LRRC14B: variants seen among roughly 807,000 people sequenced by gnomAD.
LRRC14B encodes the protein leucine rich repeat containing 14B.
Under a neutral mutation model 16.9 loss-of-function variants are expected in LRRC14B, and 23 were observed. That is an observed-to-expected ratio of 1.36 (90% CI 0.98 to 1.92). The LOEUF (loss-of-function observed/expected upper bound fraction) is 1.92, where lower values mean the gene tolerates loss of function less well. Ranked by LOEUF, LRRC14B falls within the 30% of genes most tolerant of loss-of-function variation. The pLI is 0.00. For missense variants in LRRC14B, 766 were observed against 705.7 expected, an observed-to-expected ratio of 1.09 and a Z score of -0.97; for synonymous variants, 358 against 332.5, an observed-to-expected ratio of 1.08 and a Z score of -0.83.
In LRRC14B at chr5:191,972, T is replaced by TGCAG; in HGVS notation, c.439_442dup (p.Glu148GlyfsTer20). On this transcript the variant is annotated frameshift_variant, in exon 1 of 2. Coordinates refer to ENST00000328278, the MANE Select transcript of LRRC14B (RefSeq NM_001080478.3). LOFTEE classifies it high-confidence loss of function. ...CTGCTGGCCAGGACCTGCTGTGAGC[T>TGCAG]GCAGGCAGAGCCCCTCGCAGCCGGG... is the stretch of plus-strand genomic sequence containing the variant. The TGCAG allele has an allele frequency of 6.5e-7, 1 of 1,530,614 alleles. No individual in the cohort carries two copies. 94.8% of individuals were successfully genotyped at this position (1,530,614 alleles called of 1,614,324 possible).
chr5:191,635 C>T lies in LRRC14B; in HGVS notation c.97C>T (p.Leu33Phe), dbSNP rs1414727147. 1.2e-6 allele frequency: 2 copies of T among 1,610,130 alleles called. No homozygotes were observed. The highest frequency in any genetic ancestry group is 1.7e-6 in the Non-Finnish European group (2 of 1,178,722). ...GAGCCTGGACAGCGTGGCCCACAAC[C>T]TCTACCCACTCCTGTTCAAAGCCAG... ...RQSLDSVAHN[L>F]YPLLFKASYL... The change falls in exon 1 of 2, where the codon CTC (leucine) becomes TTC (phenylalanine). Residue 33 changes from leucine (L) to phenylalanine (F), a missense_variant. Physicochemically the swap from Leu to Phe is conservative, Grantham distance 22. Transcript: ENST00000328278.
chr5:195,152 G>A lies in LRRC14B; in HGVS notation c.1344G>A (p.Gln448=). The change falls in exon 2 of 2, where the codon CAG becomes CAA. Residue 448 remains glutamine, a synonymous_variant. Transcript: ENST00000328278. ...QDELAMSKFN[Q]QKYDEIAEEL... is the part of the protein sequence containing the mutation. Reference sequence around the variant, plus strand: ...AGCTGGCCATGTCCAAGTTCAACCAGCAGAAATACGACGAGATCGCCGAGG... The same window carrying A: ...AGCTGGCCATGTCCAAGTTCAACCAACAGAAATACGACGAGATCGCCGAGG... 6.2e-7 allele frequency: 1 copy of A among 1,613,972 alleles called. No individual in the cohort carries two copies. Among genetic ancestry groups the A allele is most frequent in the Non-Finnish European group, 8.5e-7 (1 of 1,179,904 alleles).
At position 191,926 on chromosome 5, in the gene LRRC14B, G is replaced by A. The variant is rs1427027358; in HGVS notation, c.388G>A (p.Gly130Ser). The change falls in exon 1 of 2, where the codon GGC (glycine) becomes AGC (serine). Residue 130 changes from glycine to serine, a missense_variant. Physicochemically the swap from Gly to Ser is moderately conservative, Grantham distance 56 (BLOSUM62 0). Coordinates refer to ENST00000328278, the MANE Select transcript of LRRC14B (RefSeq NM_001080478.3). ...VQRCPCGRALGRWGRTQLLAR... is the reference protein window; with the variant it reads ...VQRCPCGRALSRWGRTQLLAR... ...GCGGTGCCCGTGCGGGAGGGCGCTGGGCAGGTGGGGCCGCACCCAGCTGCT... is the reference window on the plus strand; with the variant it reads ...GCGGTGCCCGTGCGGGAGGGCGCTGAGCAGGTGGGGCCGCACCCAGCTGCT... The A allele has an allele frequency of 6.6e-7, 1 of 1,512,586 alleles. No individual in the cohort carries two copies. Among genetic ancestry groups the A allele is most frequent in the South Asian group, 1.2e-5 (1 of 81,542 alleles). 93.7% of individuals were successfully genotyped at this position (1,512,586 alleles called of 1,614,324 possible). A position where few individuals can be genotyped will look rare whatever the true frequency, so the allele number is the denominator to read the frequency against.
chr5:194,934 C>G lies in LRRC14B; in HGVS notation c.1126C>G (p.His376Asp). Residue 376 changes from histidine to aspartate, a missense_variant, in exon 2 of 2, where the codon CAC becomes GAC. Transcript: ENST00000328278. ...TLEECGIVDS[H>D]VGMLILGLSP... is the part of the protein sequence containing the mutation. ...GGAGGAGTGTGGCATCGTAGACAGCCACGTTGGCATGCTGATCCTGGGCCT... is the reference window on the plus strand; with the variant it reads ...GGAGGAGTGTGGCATCGTAGACAGCGACGTTGGCATGCTGATCCTGGGCCT... The G allele has an allele frequency of 6.2e-7, 1 of 1,612,776 alleles. No homozygotes were observed. Among genetic ancestry groups the G allele is most frequent in the South Asian group, 1.1e-5 (1 of 90,924 alleles).
Position 192,244 on chromosome 5 carries a change from G to T in LRRC14B, c.706G>T (p.Val236Leu). 6.3e-7 allele frequency: 1 copy of T among 1,594,390 alleles called. No individual in the cohort carries two copies. Among genetic ancestry groups the T allele is most frequent in the Admixed American group, 1.7e-5 (1 of 58,260 alleles). Reference sequence around the variant, plus strand: ...CCACGTGCAGCAGCTTCTGGCCCAGGTGGGCTTCCCCCGGCTGGCCTCGCT... The same window carrying T: ...CCACGTGCAGCAGCTTCTGGCCCAGTTGGGCTTCCCCCGGCTGGCCTCGCT... ...AGHVQQLLAQ[V>L]GFPRLASLTL... is the part of the protein sequence containing the mutation. Residue 236 changes from valine to leucine, a missense_variant, in exon 1 of 2, where the codon GTG becomes TTG. Coordinates refer to ENST00000328278, the MANE Select transcript of LRRC14B (RefSeq NM_001080478.3).
Position 191,714 on chromosome 5 carries a change from TGGA to T in LRRC14B, c.181_183del (p.Glu61del). 6.3e-7 allele frequency: 1 copy of T among 1,584,454 alleles called. No individual in the cohort carries two copies. Among genetic ancestry groups the T allele is most frequent in the East Asian group, 2.3e-5 (1 of 43,308 alleles). Reference sequence around the variant, plus strand: ...CGCGCGGTGCTGGGGCGCTGGCCCCTGGAGGAGTTCCGGCTGGGAGCGCTGCTG... The same window carrying T: ...CGCGCGGTGCTGGGGCGCTGGCCCCTGGAGTTCCGGCTGGGAGCGCTGCTG... On this transcript the variant is annotated inframe_deletion, in exon 1 of 2. Transcript: ENST00000328278.
chr5:192,241 C>T lies in LRRC14B; in HGVS notation c.703C>T (p.Gln235Ter), dbSNP rs187476298. The change falls in exon 1 of 2, where the codon CAG becomes TAG. Residue 235 changes from glutamine (Q) to a stop codon, truncating the protein, a stop_gained. Transcript: ENST00000328278. LOFTEE classifies it high-confidence loss of function. ...HAGHVQQLLAQVGFPRLASLT... is the reference protein window; with the variant it reads ...HAGHVQQLLA ...GGGCCACGTGCAGCAGCTTCTGGCC[C>T]AGGTGGGCTTCCCCCGGCTGGCCTC... The T allele has an allele frequency of 1.3e-6, 2 of 1,594,450 alleles. No individual in the cohort carries two copies. The highest frequency in any genetic ancestry group is 2.7e-5 in the African/African-American group (2 of 74,506).
Position 192,878 on chromosome 5 carries a change from G to T in LRRC14B, c.899+441G>T, listed in dbSNP as rs148943690. On this transcript the variant is annotated intron_variant, in intron 1 of 1. Coordinates refer to ENST00000328278, the MANE Select transcript of LRRC14B (RefSeq NM_001080478.3). ...GCCAAGGGTGCCATCTCATCCGAAG[G>T]CCTGACAGGGCGGGATCCTCCCAGT... Among the ~76,000 whole-genome samples the T allele has an allele frequency of 2.4e-3, 359 of 152,284 alleles. 3 individuals are homozygous for T. The highest frequency in any genetic ancestry group is 8.3e-3 in the African/African-American group (346 of 41,534).
chr5:194,884 C>T lies in LRRC14B; in HGVS notation c.1076C>T (p.Ser359Phe). 2 of 1,597,508 alleles carry T rather than the reference C, an allele frequency of 1.3e-6. No homozygotes were observed. Among genetic ancestry groups the T allele is most frequent in the South Asian group, 2.2e-5 (2 of 89,202 alleles). ...TTCTTCAGGCTGCTCAGCCAGGCTT[C>T]CCGGACGCTGAGGATCCTGACACTG... ...STFFRLLSQA[S>F]RTLRILTLEE... Residue 359 changes from serine (S) to phenylalanine (F), a missense_variant, in exon 2 of 2, where the codon TCC (serine) becomes TTC (phenylalanine). Ser to Phe is a radical substitution (Grantham distance 155). Transcript: ENST00000328278.
At chr5:194,165 G>GC (rs1206173406) in intron 1 of LRRC14B, among the ~76,000 whole-genome samples, 2 of 148,436 alleles carry the variant, frequency 1.3e-5, no homozygotes, top group African/African-American at 2.5e-5. Flanking sequence ...TGGTCTCACT[G>GC]CCCCCCGCCG....
chr5:194,629 G>A (rs1254454054), intron 1 of LRRC14B, 79 bp from the exon 2 acceptor site: 1 of 1,382,700 alleles, frequency 7.2e-7, no homozygotes, highest in Admixed American at 2.5e-5. Context: ...GGACAAATGG[G>A]TTGTTCCCAT....
rs1187443095 is a variant in LRRC14B at position 195,196 on chromosome 5, T to TGCGGCC, written c.1392_1393insCCGCGG (p.Arg464_Ala465insProArg). 33 of 1,613,750 alleles carry TGCGGCC rather than the reference T, an allele frequency of 2.0e-5. No individual in the cohort carries two copies. Among genetic ancestry groups the TGCGGCC allele is most frequent in the African/African-American group, 4.0e-5 (3 of 74,930 alleles). ...GCCGAGGAGCTGCGTGCCGTGCTGCTGCGGGCTGACCGAGAGGACATCCAA... is the reference window on the plus strand; with the variant it reads ...GCCGAGGAGCTGCGTGCCGTGCTGCTGCGGCCGCGGGCTGACCGAGAGGACATCCAA... On this transcript the variant is annotated inframe_insertion, in exon 2 of 2. Transcript: ENST00000328278.
chr5:191,902 C>T lies in LRRC14B; in HGVS notation c.364C>T (p.Arg122Trp), dbSNP rs920914804. Residue 122 changes from arginine (R) to tryptophan (W), a missense_variant, in exon 1 of 2, where the codon CGG (arginine) becomes TGG (tryptophan). By Grantham distance (101) the Arg-to-Trp change is moderately radical (BLOSUM62 -3). Coordinates refer to ENST00000328278, the MANE Select transcript of LRRC14B (RefSeq NM_001080478.3). Reference sequence around the variant, plus strand: ...GGGCATCCGAGATGTGCAGGTGCAGCGGTGCCCGTGCGGGAGGGCGCTGGG... The same window carrying T: ...GGGCATCCGAGATGTGCAGGTGCAGTGGTGCCCGTGCGGGAGGGCGCTGGG... ...LTGIRDVQVQ[R>W]CPCGRALGRW... The T allele has an allele frequency of 1.9e-5, 29 of 1,510,028 alleles. No individual in the cohort carries two copies. The highest frequency in any genetic ancestry group is 2.5e-5 in the East Asian group (1 of 40,010). The allele number at this position is 1,510,028 out of a possible 1,614,324, so 93.5% of individuals were successfully genotyped here.
In LRRC14B at chr5:192,257, G is replaced by A. The variant is rs751807446; in HGVS notation, c.719G>A (p.Arg240Gln). The A allele has an allele frequency of 6.3e-6, 10 of 1,594,390 alleles. No homozygotes were observed. Among genetic ancestry groups the A allele is most frequent in the African/African-American group, 4.0e-5 (3 of 74,402 alleles). Reference sequence around the variant, plus strand: ...CTTCTGGCCCAGGTGGGCTTCCCCCGGCTGGCCTCGCTCACCCTGCCCACC... The same window carrying A: ...CTTCTGGCCCAGGTGGGCTTCCCCCAGCTGGCCTCGCTCACCCTGCCCACC... ...QQLLAQVGFP[R>Q]LASLTLPTKA... The change falls in exon 1 of 2, where the codon CGG (arginine) becomes CAG (glutamine). Residue 240 changes from arginine to glutamine, a missense_variant. Transcript: ENST00000328278.
rs375323273 is a variant in LRRC14B, at chr5:192,330, G to C, written c.792G>C (p.Glu264Asp). ...CCTACGCCTCCACTCCCGACGGCGA[G>C]GACCCCCTCCTCGCCTCCATCGCCC... ...PPTYASTPDGEDPLLASIARE... is the reference protein window; with the variant it reads ...PPTYASTPDGDDPLLASIARE... The change falls in exon 1 of 2, where the codon GAG (glutamate) becomes GAC (aspartate). Residue 264 changes from glutamate to aspartate, a missense_variant. By Grantham distance (45) the Glu-to-Asp change is conservative. Transcript: ENST00000328278. The C allele has an allele frequency of 8.1e-6, 13 of 1,598,468 alleles. No homozygotes were observed. Among genetic ancestry groups the C allele is most frequent in the Non-Finnish European group, 1.0e-5 (12 of 1,173,790 alleles).
rs1269980203 is a variant in LRRC14B, at chr5:192,018, C to T, written c.480C>T (p.Ala160=). 3 of 1,536,282 alleles carry T rather than the reference C, an allele frequency of 2.0e-6. No individual in the cohort carries two copies. Among genetic ancestry groups the T allele is most frequent in the South Asian group, 2.4e-5 (2 of 84,140 alleles). ...CCGGGCGCCCCGTCGAGGTCCTCGCCGACCTCTTCGTCACTGAGGGCAACT... is the reference window on the plus strand; with the variant it reads ...CCGGGCGCCCCGTCGAGGTCCTCGCTGACCTCTTCGTCACTGAGGGCAACT... ...LAAGRPVEVL[A]DLFVTEGNFE... The change falls in exon 1 of 2, where the codon GCC becomes GCT. Residue 160 remains alanine, a synonymous_variant. Coordinates refer to ENST00000328278, the MANE Select transcript of LRRC14B (RefSeq NM_001080478.3).
rs1231493628 is a variant in LRRC14B at position 195,218 on chromosome 5, C to G, written c.1410C>G (p.Ile470Met). The change falls in exon 2 of 2, where the codon ATC (isoleucine) becomes ATG (methionine). Residue 470 changes from isoleucine to methionine, a missense_variant. Ile to Met is a conservative substitution (Grantham distance 10, BLOSUM62 1). Coordinates refer to ENST00000328278, the MANE Select transcript of LRRC14B (RefSeq NM_001080478.3). ...AVLLRADRED[I>M]QVSTPLFGSF... ...TGCTGCGGGCTGACCGAGAGGACAT[C>G]CAAGTCTCCACACCTCTCTTTGGAA... The G allele has an allele frequency of 6.2e-7, 1 of 1,613,610 alleles. No homozygotes were observed. The highest frequency in any genetic ancestry group is 1.3e-5 in the African/African-American group (1 of 74,928).
chr5:194,595 G>C (rs927700765), intron 1 of LRRC14B, 113 bp from the exon 2 acceptor site: 3 of 971,676 alleles, frequency 3.1e-6, no homozygotes, highest in South Asian at 3.5e-5. Flanking sequence ...GTGGTTGGAC[G>C]TGACTGTGTG....
chr5:192,324 C>G lies in LRRC14B; in HGVS notation c.786C>G (p.Asp262Glu), dbSNP rs369014987. The change falls in exon 1 of 2, where the codon GAC becomes GAG. Residue 262 changes from aspartate to glutamate, a missense_variant. Physicochemically the swap from Asp to Glu is conservative, Grantham distance 45. Coordinates refer to ENST00000328278, the MANE Select transcript of LRRC14B (RefSeq NM_001080478.3). The stretch of plus-strand genomic sequence containing the variant: ...CCCCCACCTACGCCTCCACTCCCGA[C>G]GGCGAGGACCCCCTCCTCGCCTCCA... ...DAPPTYASTP[D>E]GEDPLLASIA... 6.3e-7 allele frequency: 1 copy of G among 1,598,602 alleles called. No individual in the cohort carries two copies.
Sources: gnomAD v4.1 joint callset for allele counts (sites outside exome capture counted in the v4.1 genomes callset) on GRCh38, gnomAD v4.1.1 for gene constraint, MANE v1.5 for transcripts, NCBI Gene and HGNC (gene_info 2026-07-23, HGNC 2026-07-21) for gene names.